The following CFAP47 variants were observed in gnomAD, a reference collection of about 807,000 sequenced individuals.
CFAP47 encodes the protein cilia and flagella associated protein 47.
In CFAP47, 29 loss-of-function variants were observed where a neutral mutation model predicts 148.1. The observed-to-expected ratio is 0.20, with a 90% CI of 0.15 to 0.27. CFAP47 has a LOEUF of 0.27. CFAP47 is among the 10% of genes least tolerant of loss of function. CFAP47 has a pLI of 1.00. For missense variants in CFAP47, 1,872 were observed against 1,697.5 expected (o/e 1.10, Z -1.81); for synonymous variants, 664 against 577.3 (o/e 1.15, Z -2.15).
chrX:36,134,560 T>A (rs1276071124), intron 33 of CFAP47, among the ~76,000 whole-genome samples: 1 of 110,111 alleles, frequency 9.1e-6, no homozygotes, highest in African/African-American at 3.4e-5. Context: ...CAAATATTAC[T>A]TGAATAATTG....
chrX:35,960,380 G>GGAAAA lies in CFAP47; in HGVS notation c.1410+4184_1410+4185insGAAAA, dbSNP rs1227681980. 3.0e-3 allele frequency among the ~76,000 whole-genome samples: 47 copies of GGAAAA among 15,482 alleles called. 4 individuals are homozygous for GGAAAA. The highest frequency in any genetic ancestry group is 0.012 in the African/African-American group (47 of 3,814). The allele number at this position is 15,482 out of a possible 115,157, so 13.4% of individuals were successfully genotyped here. On this transcript the variant is annotated intron_variant, in intron 8 of 63. Transcript: ENST00000378653. ...CTTTAACATTAGCTTGCTAATTTCT[G>GGAAAA]AAAAAAAAAAAAAAAAAAAAAAAAA...
At chrX:36,110,067 G>A (rs1047817605) in intron 33 of CFAP47, among the ~76,000 whole-genome samples, 4 of 111,290 alleles carry the variant, frequency 3.6e-5, no homozygotes, top group Middle Eastern at 4.6e-3. Flanking sequence ...TAGGTTGTCC[G>A]TTTACTCTGT....
At chrX:35,994,976 T>A in intron 18 of CFAP47, among the ~76,000 whole-genome samples, 1 of 111,648 alleles carries the variant, frequency 9.0e-6, no homozygotes, top group African/African-American at 3.3e-5. Flanking sequence ...TCATAAGTAT[T>A]GTGATGAAGA....
At chrX:36,207,238 A>C (rs1940048884) in intron 45 of CFAP47, among the ~76,000 whole-genome samples, 1 of 112,043 alleles carries the variant, frequency 8.9e-6, no homozygotes. Flanking sequence ...TTTATGGTAT[A>C]AACTGATTTT....
chrX:36,164,471 G>A (rs1939466470), intron 39 of CFAP47, among the ~76,000 whole-genome samples: 1 of 111,159 alleles, frequency 9.0e-6, no homozygotes, highest in South Asian at 3.7e-4. Flanking sequence ...TATTAGTATA[G>A]CTACTTCAAC....
chrX:36,284,533 C>T (rs1429611942), intron 50 of CFAP47, among the ~76,000 whole-genome samples: 5 of 111,250 alleles, frequency 4.5e-5, no homozygotes, highest in African/African-American at 1.6e-4. Flanking sequence ...GCAATACAAT[C>T]CCATACAAAG....
chrX:36,312,189 G>A (rs782129956), intron 56 of CFAP47, among the ~76,000 whole-genome samples: 1 of 110,780 alleles, frequency 9.0e-6, no homozygotes, highest in African/African-American at 3.3e-5. Context: ...AGAGGTAAAG[G>A]AAGAGCTGAA....
In CFAP47 at chrX:36,213,609, G is replaced by A. The variant is rs998695541; in HGVS notation, c.6817+8499G>A. On this transcript the variant is annotated intron_variant, in intron 45 of 63. Coordinates refer to ENST00000378653, the MANE Select transcript of CFAP47 (RefSeq NM_001304548.2). ...GTAAAAGGGAGAATGTTAGGCCCAG[G>A]AAATTTAAGTGTCTTCACAGACCAT... 5.4e-5 allele frequency among the ~76,000 whole-genome samples: 6 copies of A among 111,868 alleles called. No homozygotes were observed. The East Asian group carries it at 1.7e-3, about 31-fold the overall frequency.
chrX:36,064,124 C>T (rs1937616698), intron 26 of CFAP47, among the ~76,000 whole-genome samples: 3 of 112,077 alleles, frequency 2.7e-5, no homozygotes, highest in Non-Finnish European at 5.6e-5. Flanking sequence ...TGTATGTAAA[C>T]TATGTTATTT....
At chrX:36,101,305 T>C (rs1938371706) in intron 32 of CFAP47, among the ~76,000 whole-genome samples, 1 of 112,035 alleles carries the variant, frequency 8.9e-6, no homozygotes, top group African/African-American at 3.2e-5. Context: ...AAGATAGTTA[T>C]AACACAGAAT....
rs1939275210 is a variant in CFAP47 at position 36,149,223 on chromosome X, G to A, written c.5786G>A (p.Arg1929Lys). Residue 1929 changes from arginine to lysine, a missense_variant and splice_region_variant, in exon 37 of 64, where the codon AGA becomes AAA. Arg to Lys is a conservative substitution (Grantham distance 26). Coordinates refer to ENST00000378653, the MANE Select transcript of CFAP47 (RefSeq NM_001304548.2). Reference sequence around the variant, plus strand: ...GGGAATGTTGTGACAATTTCTCCAAGGTAAGTATTTTTTTTAATTTTACAT... The same window carrying A: ...GGGAATGTTGTGACAATTTCTCCAAAGTAAGTATTTTTTTTAATTTTACAT... ...QKGNVVTISPRNEINVTLKFT... is the reference protein window; with the variant it reads ...QKGNVVTISPKNEINVTLKFT... 3.4e-6 allele frequency: 1 copy of A among 293,571 alleles called. No homozygotes were observed. 24.2% of individuals were successfully genotyped at this position (293,571 alleles called of 1,213,427 possible).
intron 26 of CFAP47, among the ~76,000 whole-genome samples, chrX:36,058,548 A>G (rs1177307244): frequency 9.0e-6 from 1 of 111,659 alleles, no homozygotes; most frequent in Non-Finnish European, 1.9e-5. Context: ...TTTGAAAGGA[A>G]CAATACAACA....
intron 29 of CFAP47, among the ~76,000 whole-genome samples, chrX:36,073,839 A>G (rs1328245830): frequency 8.9e-6 from 1 of 111,890 alleles, no homozygotes; most frequent in Non-Finnish European, 1.9e-5. Context: ...AAAATAGTTC[A>G]ACTGTTTTGA....
At chrX:36,206,795 A>T (rs1187865651) in intron 45 of CFAP47, among the ~76,000 whole-genome samples, 2 of 112,139 alleles carry the variant, frequency 1.8e-5, no homozygotes, top group African/African-American at 6.5e-5. Flanking sequence ...ATTATTAATT[A>T]TCCATTTTGG....
chrX:35,932,881 T>G, intron 2 of CFAP47, among the ~76,000 whole-genome samples: 1 of 111,296 alleles, frequency 9.0e-6, no homozygotes, highest in Non-Finnish European at 1.9e-5. Flanking sequence ...CGCTTTGACC[T>G]CCCAAAGTGC....
chrX:36,229,970 A>G (rs1232584072), intron 46 of CFAP47, among the ~76,000 whole-genome samples: 2 of 106,265 alleles, frequency 1.9e-5, no homozygotes, highest in African/African-American at 3.4e-5. Context: ...ATAGTATTCC[A>G]TGGTGTATAT....
intron 39 of CFAP47, among the ~76,000 whole-genome samples, chrX:36,174,572 CT>C (rs1455101319): frequency 9.2e-6 from 1 of 108,518 alleles, no homozygotes; most frequent in Non-Finnish European, 1.9e-5. Context: ...CTTAGTTTGG[CT>C]GGATATGAAA....
chrX:35,919,880 C>T lies in CFAP47; in HGVS notation c.81C>T (p.Val27=). 1 of 1,210,676 alleles carries T rather than the reference C, an allele frequency of 8.3e-7. No individual in the cohort carries two copies. The highest frequency in any genetic ancestry group is 1.7e-5 in the African/African-American group (1 of 57,733). ...TGAGCATCCAAAGGGGTTCCCTCGT[C>T]CCCCGGGATATGGATAGCTCGGGTA... ...LAMSIQRGSL[V]PRDMDSSGRD... The change falls in exon 1 of 64, where the codon GTC becomes GTT. Residue 27 remains valine (V), a synonymous_variant. Coordinates refer to ENST00000378653, the MANE Select transcript of CFAP47 (RefSeq NM_001304548.2).
intron 24 of CFAP47, among the ~76,000 whole-genome samples, chrX:36,036,963 A>G (rs1177227408): frequency 8.9e-6 from 1 of 112,541 alleles, no homozygotes; most frequent in Non-Finnish European, 1.9e-5. Flanking sequence ...AGGCTTAAAA[A>G]TGTTTAATCT....
Sources: gnomAD v4.1 joint callset for allele counts (sites outside exome capture counted in the v4.1 genomes callset) on GRCh38, gnomAD v4.1.1 for gene constraint, MANE v1.5 for transcripts, NCBI Gene and HGNC (gene_info 2026-07-23, HGNC 2026-07-21) for gene names.